Variants in SYT8 observed in about 807,000 individuals in gnomAD.
The protein encoded by SYT8 is synaptotagmin 8.
A neutral mutation model predicts 34.9 loss-of-function variants in SYT8; 50 were observed. That is an observed-to-expected ratio of 1.43 (90% CI 1.14 to 1.81). The LOEUF (loss-of-function observed/expected upper bound fraction) is 1.81, where lower values mean the gene tolerates loss of function less well. Ranked by LOEUF, SYT8 falls within the 40% of genes most tolerant of loss-of-function variation. SYT8 has a pLI of 0.00. For missense variants in SYT8, 595 were observed against 529.0 expected, an observed-to-expected ratio of 1.12 and a Z score of -1.22; for synonymous variants, 255 against 234.2, an observed-to-expected ratio of 1.09 and a Z score of -0.81.
rs763037494 is a variant in SYT8 at position 1,837,139 on chromosome 11, G to A, written c.924+49G>A. 5.0e-6 allele frequency: 8 copies of A among 1,602,446 alleles called. No individual in the cohort carries two copies. In the Admixed American group the frequency reaches 5.1e-5, roughly 10 times the overall value. Reference sequence around the variant, plus strand: ...AGAGCGAGACCCAGTGCCAGACCACGATGACTGTGGTCTTTCTCCCCCAAC... The same window carrying A: ...AGAGCGAGACCCAGTGCCAGACCACAATGACTGTGGTCTTTCTCCCCCAAC... On this transcript the variant is annotated intron_variant, in intron 7 of 7. Coordinates refer to ENST00000341958, the MANE Select transcript of SYT8 (RefSeq NM_001394072.1).
In SYT8 at chr11:1,837,402, C is replaced by T. The variant is rs138428155; in HGVS notation, c.1135C>T (p.Arg379Cys). Reference protein sequence around the residue: ...DRMLALQPRLRLRLPLPHS With the variant: ...DRMLALQPRLCLRLPLPHS ...CATGCTGGCCCTGCAGCCCCGCCTT[C>T]GCCTGCGCCTGCCCTTGCCCCACTC... Residue 379 changes from arginine (R) to cysteine (C), a missense_variant, in exon 8 of 8, where the codon CGC (arginine) becomes TGC (cysteine). Transcript: ENST00000341958. The T allele has an allele frequency of 0.011, 18,384 of 1,604,778 alleles. 175 individuals carry two copies. Among genetic ancestry groups the T allele is most frequent in the Middle Eastern group, 0.034 (205 of 6,060 alleles).
upstream of SYT8, among the ~76,000 whole-genome samples, chr11:1,832,899 G>A (rs1012598499): frequency 2.6e-5 from 4 of 152,160 alleles, no homozygotes; most frequent in Non-Finnish European, 5.9e-5. Flanking sequence ...GAGGGGGGAC[G>A]CCAGCAAAGC....
At chr11:1,834,435 C>A (rs779299749), upstream of SYT8, 109 of 784,610 alleles carry the variant, frequency 1.4e-4, no homozygotes, top group Non-Finnish European at 2.2e-4. The surrounding 1 kb of genome is among the most constrained non-coding windows in gnomAD (Gnocchi z 4.5). Context: ...TCAGGCGCTG[C>A]GGCCCTGAGC....
upstream of SYT8, chr11:1,834,336 C>G: frequency 1.8e-6 from 1 of 552,968 alleles, no homozygotes; most frequent in Non-Finnish European, 3.2e-6. This position sits in a 1 kb window ranked among gnomAD's most constrained non-coding sequence, Gnocchi z 4.5. Flanking sequence ...GTGGACGAGT[C>G]CAGGCAGCGG....
Position 1,836,699 on chromosome 11 carries a change from A to T in SYT8, c.685-57A>T, listed in dbSNP as rs1589791268. On this transcript the variant is annotated intron_variant, in intron 5 of 7. Transcript: ENST00000341958. ...GATGGGCAGCATTTTCGGGGGTCTG[A>T]GCCCCAACTCGGCCAGAATCACCCT... is the stretch of plus-strand genomic sequence containing the variant. The T allele has an allele frequency of 1.9e-6, 3 of 1,596,386 alleles. No individual in the cohort carries two copies. The East Asian group carries it at 6.7e-5, about 36-fold the overall frequency.
chr11:1,835,524 G>C (rs1451632335), intron 2 of SYT8, 65 bp downstream of exon 2: 12 of 1,578,662 alleles, frequency 7.6e-6, no homozygotes, highest in Non-Finnish European at 1.0e-5. Flanking sequence ...CAGAGCCCAG[G>C]GCAGCGAGGC....
At position 1,837,032 on chromosome 11, in the gene SYT8, C is replaced by T. The variant is rs484955; in HGVS notation, c.866C>T (p.Thr289Met). The T allele has an allele frequency of 0.13, 216,404 of 1,613,736 alleles. 16,477 individuals are homozygous for T. Among genetic ancestry groups the T allele is most frequent in the East Asian group, 0.38 (17,054 of 44,870 alleles). ...AGAAAGACAGCCACCAAAAAGGGCA[C>T]GGCGGCCCCCTACTTCAATGAGGCC... ...KKRKTATKKG[T>M]AAPYFNEAFT... The change falls in exon 7 of 8, where the codon ACG becomes ATG. Residue 289 changes from threonine to methionine, a missense_variant. Thr to Met is a moderately conservative substitution (Grantham distance 81). Transcript: ENST00000341958.
intron 4 of SYT8, 66 bp from the exon 5 acceptor site, chr11:1,836,359 G>A (rs1369873230): frequency 3.3e-6 from 5 of 1,495,752 alleles, no homozygotes; most frequent in South Asian, 2.7e-5. Context: ...GGGCAGCTGG[G>A]TGGGCCTGGG....
upstream of SYT8, chr11:1,831,892 G>C: frequency 2.5e-6 from 1 of 405,212 alleles, no homozygotes; most frequent in South Asian, 1.7e-5. Context: ...AGTGGTGGGC[G>C]TCAGGTGAGA....
chr11:1,834,939 C>G (rs1846816076), upstream of SYT8: 1 of 680,256 alleles, frequency 1.5e-6, no homozygotes, highest in Non-Finnish European at 2.5e-6. This position sits in a 1 kb window ranked among gnomAD's most constrained non-coding sequence, Gnocchi z 4.5. Context: ...CAGCTTCCTG[C>G]TGCACAGAAC....
upstream of SYT8, chr11:1,834,481 C>A: frequency 8.1e-7 from 1 of 1,240,026 alleles, no homozygotes; most frequent in South Asian, 1.3e-5. This position sits in a 1 kb window ranked among gnomAD's most constrained non-coding sequence, Gnocchi z 4.5. Context: ...CAGGCCTGCT[C>A]AGTGAGCTCC....
chr11:1,834,969 G>A (rs113565077), upstream of SYT8: 45 of 861,820 alleles, frequency 5.2e-5, no homozygotes, highest in Non-Finnish European at 6.9e-5. The surrounding 1 kb of genome is among the most constrained non-coding windows in gnomAD (Gnocchi z 4.5). Flanking sequence ...TGGCCACCCC[G>A]TGCTGCCTCC....
upstream of SYT8, chr11:1,834,828 G>A: frequency 3.1e-6 from 2 of 644,136 alleles, no homozygotes; most frequent in Non-Finnish European, 2.7e-6. This position sits in a 1 kb window ranked among gnomAD's most constrained non-coding sequence, Gnocchi z 4.5. Flanking sequence ...CCCAGGCCCT[G>A]CCTGCTTGGC....
rs775910048 is a variant in SYT8, at chr11:1,836,474, A to C, written c.566A>C (p.Asn189Thr). ...GCCACCCTGCAGGTGCAGCTTTTCAACTTCAAGCGCTTCTCGGGGCATGAG... is the reference window on the plus strand; with the variant it reads ...GCCACCCTGCAGGTGCAGCTTTTCACCTTCAAGCGCTTCTCGGGGCATGAG... Reference protein sequence around the residue: ...PGATLQVQLFNFKRFSGHEPL... With the variant: ...PGATLQVQLFTFKRFSGHEPL... Residue 189 changes from asparagine to threonine, a missense_variant, in exon 5 of 8, where the codon AAC (asparagine) becomes ACC (threonine). Transcript: ENST00000341958. 1.2e-6 allele frequency: 2 copies of C among 1,609,406 alleles called. No individual in the cohort carries two copies. The highest frequency in any genetic ancestry group is 1.7e-6 in the Non-Finnish European group (2 of 1,178,840).
chr11:1,834,991 G>A lies in SYT8; in HGVS notation c.-115G>A, dbSNP rs889071241. On this transcript the variant is annotated 5_prime_UTR_variant, in exon 1 of 8. Coordinates refer to ENST00000341958, the MANE Select transcript of SYT8 (RefSeq NM_001394072.1). This position sits in a 1 kb window ranked among gnomAD's most constrained non-coding sequence, Gnocchi z 4.5. Reference sequence around the variant, plus strand: ...CCCGTGCTGCCTCCTTGCCCTGGCAGACCCAGCACTGGCTGCTGCTAGTCA... The same window carrying A: ...CCCGTGCTGCCTCCTTGCCCTGGCAAACCCAGCACTGGCTGCTGCTAGTCA... The A allele has an allele frequency of 1.5e-5, 17 of 1,111,612 alleles. No individual in the cohort carries two copies. In the Middle Eastern group the frequency reaches 2.3e-3, roughly 151 times the overall value. 68.9% of individuals were successfully genotyped at this position (1,111,612 alleles called of 1,614,324 possible).
Position 1,836,830 on chromosome 11 carries a change from G to A in SYT8, c.759G>A (p.Leu253=). ...CAGGCCGGCTGACCGTGGTGGTGCT[G>A]GAGGCTCGAGGCCTGCGTCCAGGAC... ...PSSGRLTVVV[L]EARGLRPGLA... Residue 253 remains leucine, a synonymous_variant, in exon 6 of 8, where the codon CTG becomes CTA. Coordinates refer to ENST00000341958, the MANE Select transcript of SYT8 (RefSeq NM_001394072.1). 1.2e-6 allele frequency: 2 copies of A among 1,611,536 alleles called. No homozygotes were observed. Among genetic ancestry groups the A allele is most frequent in the Non-Finnish European group, 1.7e-6 (2 of 1,179,960 alleles).
At chr11:1,833,289 A>G (rs576929487), upstream of SYT8, among the ~76,000 whole-genome samples, 1 of 152,250 alleles carries the variant, frequency 6.6e-6, no homozygotes, top group South Asian at 2.1e-4. Flanking sequence ...GCACACCCAC[A>G]CTGCATCTGC....
chr11:1,835,061 A>T lies in SYT8; in HGVS notation c.-45A>T. 1 of 1,598,900 alleles carries T rather than the reference A, an allele frequency of 6.3e-7. No homozygotes were observed. The highest frequency in any genetic ancestry group is 8.6e-7 in the Non-Finnish European group (1 of 1,168,626). On this transcript the variant is annotated 5_prime_UTR_variant, in exon 1 of 8. Coordinates refer to ENST00000341958, the MANE Select transcript of SYT8 (RefSeq NM_001394072.1). ...GCCGGAGGGGCCACCCTCCCAGCTGACCCAGCCTCCTGGGCCGCTTCTTCC... is the reference window on the plus strand; with the variant it reads ...GCCGGAGGGGCCACCCTCCCAGCTGTCCCAGCCTCCTGGGCCGCTTCTTCC...
At chr11:1,836,345 G>C (rs1846930451) in intron 4 of SYT8, 61 bp downstream of exon 4, 1 of 1,493,944 alleles carries the variant, frequency 6.7e-7, no homozygotes, top group Non-Finnish European at 8.9e-7. Context: ...GGCTGGGTGG[G>C]CCTGGGCAGC....
Sources: allele counts gnomAD v4.1 joint callset (sites outside exome capture counted in the v4.1 genomes callset), GRCh38; gene constraint gnomAD v4.1.1; non-coding constraint Gnocchi (gnomAD v3.1); transcripts MANE v1.5; gene names NCBI Gene and HGNC (gene_info 2026-07-23, HGNC 2026-07-21).